SLCO3A1: variants seen among roughly 807,000 people sequenced by gnomAD.
SLCO3A1 encodes PGE1 transporter.
Under a neutral mutation model 63.1 loss-of-function variants are expected in SLCO3A1, and 27 were observed. The observed-to-expected ratio is 0.43, with a 90% CI of 0.32 to 0.59. The LOEUF is 0.59. Ranked by LOEUF, SLCO3A1 falls within the 20% of genes least tolerant of loss-of-function variation. The pLI is 0.09. For synonymous variants in SLCO3A1, 473 were observed against 409.9 expected (o/e 1.15, Z -1.86); for missense variants, 773 against 945.8 (o/e 0.82, Z 2.40).
chr15:92,109,417 A>C (rs529125419), intron 4 of SLCO3A1, among the ~76,000 whole-genome samples: 1 of 152,210 alleles, frequency 6.6e-6, no homozygotes, highest in Non-Finnish European at 1.5e-5. Context: ...TGTCCCCTAA[A>C]AAGATGGGTC....
intron 2 of SLCO3A1, among the ~76,000 whole-genome samples, chr15:91,975,184 A>G (rs193251554): frequency 1.4e-4 from 22 of 152,338 alleles, no homozygotes; most frequent in African/African-American, 4.8e-4. Flanking sequence ...AAAGGGCTTT[A>G]AGAGTGTCAT....
rs930062591 is a variant in SLCO3A1, at chr15:91,883,232, A to G, written c.180+29144A>G. 6.6e-6 allele frequency among the ~76,000 whole-genome samples: 1 copy of G among 152,158 alleles called. No homozygotes were observed. The highest frequency in any genetic ancestry group is 1.5e-5 in the Non-Finnish European group (1 of 68,036). ...AAGTGGTCTGGGTTTCACTTACATC[A>G]GGTGCCCAGGAGTCTTCCTGTGTGA... On this transcript the variant is annotated intron_variant, in intron 1 of 9. Transcript: ENST00000318445. The surrounding 1 kb of genome is among the most constrained non-coding windows in gnomAD (Gnocchi z 4.8).
At chr15:91,976,547 C>G (rs183852184) in intron 2 of SLCO3A1, among the ~76,000 whole-genome samples, 51 of 152,252 alleles carry the variant, frequency 3.3e-4, no homozygotes, top group Admixed American at 6.5e-4. Context: ...CTTTTTCCTC[C>G]TTCTCCTTGG....
chr15:92,083,535 T>C (rs2047371395), intron 2 of SLCO3A1, among the ~76,000 whole-genome samples: 2 of 152,244 alleles, frequency 1.3e-5, no homozygotes, highest in Non-Finnish European at 2.9e-5. Flanking sequence ...TTCCGTTCTA[T>C]CAGCACCTGA....
chr15:91,897,146 A>G lies in SLCO3A1; in HGVS notation c.181-18847A>G, dbSNP rs536408364. On this transcript the variant is annotated intron_variant, in intron 1 of 9. Coordinates refer to ENST00000318445, the MANE Select transcript of SLCO3A1 (RefSeq NM_013272.4). The surrounding 1 kb of genome is among the most constrained non-coding windows in gnomAD (Gnocchi z 4.7). ...TACCACACTATTTGCCATTGTCTAT[A>G]CAATTGTTGCTTTTAAAATAAAGAC... 2.6e-5 allele frequency among the ~76,000 whole-genome samples: 4 copies of G among 152,300 alleles called. No homozygotes were observed. The highest frequency in any genetic ancestry group is 2.6e-4 in the Admixed American group (4 of 15,294).
intron 7 of SLCO3A1, among the ~76,000 whole-genome samples, chr15:92,135,192 G>T (rs1350228659): frequency 6.6e-6 from 1 of 152,176 alleles, no homozygotes; most frequent in Non-Finnish European, 1.5e-5. Flanking sequence ...GAGGGGCCCT[G>T]TGTTCCTTCA....
intron 1 of SLCO3A1, among the ~76,000 whole-genome samples, chr15:91,905,238 C>A (rs1031309146): frequency 6.6e-6 from 1 of 152,196 alleles, no homozygotes; most frequent in East Asian, 1.9e-4. Context: ...TTTTGCTAGA[C>A]CTTAATTTTA....
intron 1 of SLCO3A1, among the ~76,000 whole-genome samples, chr15:91,861,776 A>G (rs1597065420): frequency 6.6e-6 from 1 of 150,870 alleles, no homozygotes; most frequent in South Asian, 2.1e-4. Context: ...GGCACATACC[A>G]CCAAGCCTGG....
intron 1 of SLCO3A1, among the ~76,000 whole-genome samples, chr15:91,896,428 G>A (rs1040800344): frequency 5.9e-5 from 9 of 152,216 alleles, no homozygotes; most frequent in Admixed American, 4.6e-4. Flanking sequence ...GATAGGTTTG[G>A]TTGTGTCCCC....
chr15:92,070,142 AT>A (rs2047197711), intron 2 of SLCO3A1, among the ~76,000 whole-genome samples: 1 of 152,124 alleles, frequency 6.6e-6, no homozygotes, highest in Non-Finnish European at 1.5e-5. Flanking sequence ...GCCTTAAGAA[AT>A]CACTCACGCT....
At chr15:91,956,788 T>C (rs1218189912) in intron 2 of SLCO3A1, among the ~76,000 whole-genome samples, 2 of 145,950 alleles carry the variant, frequency 1.4e-5, no homozygotes, top group East Asian at 4.1e-4. Context: ...CCTTCTTTTT[T>C]TTTTTTTTTT....
chr15:92,097,243 C>T (rs1567117884), intron 3 of SLCO3A1, among the ~76,000 whole-genome samples: 1 of 152,020 alleles, frequency 6.6e-6, no homozygotes, highest in East Asian at 1.9e-4. Context: ...GAAACCAAGT[C>T]ACAGAGAGGG....
intron 2 of SLCO3A1, among the ~76,000 whole-genome samples, chr15:91,960,960 G>A (rs1419050393): frequency 6.6e-6 from 1 of 152,156 alleles, no homozygotes; most frequent in Non-Finnish European, 1.5e-5. Flanking sequence ...TGCTCCACCT[G>A]TAGCCTGATG....
chr15:91,925,878 C>A (rs942973365), intron 2 of SLCO3A1, among the ~76,000 whole-genome samples: 1 of 152,164 alleles, frequency 6.6e-6, no homozygotes, highest in African/African-American at 2.4e-5. Flanking sequence ...CCTTAGAATC[C>A]TAGTCACTTG....
chr15:91,970,763 G>T (rs558404673), intron 2 of SLCO3A1, among the ~76,000 whole-genome samples: 16 of 152,264 alleles, frequency 1.1e-4, no homozygotes, highest in African/African-American at 3.6e-4. Flanking sequence ...TGAACATGAA[G>T]TTTTCCTTCT....
chr15:91,935,539 G>A (rs1899380940), intron 2 of SLCO3A1, among the ~76,000 whole-genome samples: 1 of 152,156 alleles, frequency 6.6e-6, no homozygotes, highest in Non-Finnish European at 1.5e-5. Context: ...ACTAGGATGG[G>A]AATTGTTGAG....
intron 2 of SLCO3A1, among the ~76,000 whole-genome samples, chr15:92,080,937 G>GGTGTGTGTGT (rs746523979): frequency 2.6e-5 from 2 of 78,114 alleles, no homozygotes; most frequent in Non-Finnish European, 5.6e-5. Flanking sequence ...ATACATAGTA[G>GGTGTGTGTGT]CTGTGTGTGT....
downstream of SLCO3A1, among the ~76,000 whole-genome samples, chr15:92,168,056 G>T (rs1007048130): frequency 2.6e-5 from 4 of 152,188 alleles, no homozygotes; most frequent in African/African-American, 7.2e-5. Context: ...TGCAAAAGTG[G>T]AAAAGTTTTG....
chr15:92,012,817 C>T (rs2046383852), intron 2 of SLCO3A1, among the ~76,000 whole-genome samples: 1 of 150,284 alleles, frequency 6.7e-6, no homozygotes, highest in Non-Finnish European at 1.5e-5. Context: ...GAAACATCCT[C>T]AGAGCATCCC....
Sources: allele counts gnomAD v4.1 joint callset (sites outside exome capture counted in the v4.1 genomes callset), GRCh38; gene constraint gnomAD v4.1.1; non-coding constraint Gnocchi (gnomAD v3.1); transcripts MANE v1.5; gene names NCBI Gene and HGNC (gene_info 2026-07-23, HGNC 2026-07-21).